The following CDKAL1 variants were observed in gnomAD, a reference collection of about 807,000 sequenced individuals.
CDKAL1 encodes threonylcarbamoyladenosine tRNA methylthiotransferase.
A neutral mutation model predicts 68.2 loss-of-function variants in CDKAL1; 32 were observed. The observed-to-expected ratio is 0.47, with a 90% CI of 0.35 to 0.63. The LOEUF (loss-of-function observed/expected upper bound fraction) is 0.63, where lower values mean the gene tolerates loss of function less well. Among genes scored for constraint, CDKAL1 ranks in the 30% least tolerant of loss-of-function variants. The probability of loss-of-function intolerance (pLI) is 0.00; values close to 1 mark genes in which losing one functional copy is unlikely to be tolerated. For synonymous variants in CDKAL1, 234 were observed against 244.3 expected (o/e 0.96, Z 0.39); for missense variants, 606 against 696.7 (o/e 0.87, Z 1.47).
chr6:20,581,825 C>T (rs73732382), intron 4 of CDKAL1, among the ~76,000 whole-genome samples: 1,600 of 152,202 alleles, frequency 0.011, 25 homozygotes, highest in African/African-American at 0.035. Context: ...TGTCACAACC[C>T]TTAACCCCAA....
intron 4 of CDKAL1, among the ~76,000 whole-genome samples, chr6:20,586,294 T>G (rs141142572): frequency 4.4e-4 from 67 of 152,308 alleles, no homozygotes; most frequent in African/African-American, 1.4e-3. Context: ...ATTATTTTAC[T>G]TTTCTGCTCA....
chr6:20,905,627 C>T (rs753813957), intron 9 of CDKAL1, among the ~76,000 whole-genome samples: 4 of 152,114 alleles, frequency 2.6e-5, no homozygotes, highest in Non-Finnish European at 5.9e-5. Flanking sequence ...CAGAGACCCA[C>T]ATCGAGACAC....
chr6:21,026,114 G>C (rs987593796), intron 11 of CDKAL1, among the ~76,000 whole-genome samples: 1 of 151,992 alleles, frequency 6.6e-6, no homozygotes, highest in Non-Finnish European at 1.5e-5. Context: ...AAGGAGTGTG[G>C]TTATTAGTTC....
chr6:20,595,108 T>C (rs1765764105), intron 4 of CDKAL1, among the ~76,000 whole-genome samples: 1 of 152,244 alleles, frequency 6.6e-6, no homozygotes, highest in Admixed American at 6.5e-5. Flanking sequence ...TTAACGTTTT[T>C]TTCTTGATTT....
At chr6:21,149,703 A>C (rs1386700170) in intron 13 of CDKAL1, among the ~76,000 whole-genome samples, 2 of 152,166 alleles carry the variant, frequency 1.3e-5, no homozygotes, top group African/African-American at 4.8e-5. Context: ...GACTGCGTTC[A>C]CTGAGAGACA....
At position 21,121,291 on chromosome 6, in the gene CDKAL1, A is replaced by T. The variant is rs1222542234; in HGVS notation, c.1299+12828A>T. ...TAAAATCCACGTTTTAGAATTTCTG[A>T]CTCTTCCACTTGCAAGCTAGATGAT... On this transcript the variant is annotated intron_variant, in intron 13 of 15. Transcript: ENST00000274695. Among the ~76,000 whole-genome samples the T allele has an allele frequency of 3.3e-5, 5 of 152,036 alleles. No homozygotes were observed. The East Asian group carries it at 9.6e-4, about 29-fold the overall frequency.
At chr6:21,128,481 C>A (rs1028993581) in intron 13 of CDKAL1, among the ~76,000 whole-genome samples, 2 of 152,134 alleles carry the variant, frequency 1.3e-5, no homozygotes, top group African/African-American at 2.4e-5. Flanking sequence ...CTTTACCTGG[C>A]CAAAGAAAAT....
At chr6:20,880,948 G>C (rs901668537) in intron 9 of CDKAL1, among the ~76,000 whole-genome samples, 2 of 152,170 alleles carry the variant, frequency 1.3e-5, no homozygotes, top group Admixed American at 6.5e-5. Context: ...CTGAAGATTA[G>C]GGAAGTCATC....
At chr6:21,004,925 G>A (rs1767640820) in intron 11 of CDKAL1, among the ~76,000 whole-genome samples, 2 of 152,182 alleles carry the variant, frequency 1.3e-5, no homozygotes, top group Non-Finnish European at 2.9e-5. Context: ...TCATGCTGCT[G>A]CACTCCAGCC....
At chr6:20,767,855 A>G (rs1774768148) in intron 7 of CDKAL1, among the ~76,000 whole-genome samples, 1 of 152,168 alleles carries the variant, frequency 6.6e-6, no homozygotes, top group Admixed American at 6.5e-5. Context: ...GGAGATGGAG[A>G]GACTAAATAC....
chr6:21,026,293 T>C (rs951062788), intron 11 of CDKAL1, among the ~76,000 whole-genome samples: 1 of 152,192 alleles, frequency 6.6e-6, no homozygotes, highest in African/African-American at 2.4e-5. Context: ...TATCTTTATA[T>C]ATTCAAAATA....
intron 5 of CDKAL1, among the ~76,000 whole-genome samples, chr6:20,734,973 A>G (rs941636026): frequency 6.8e-6 from 1 of 146,528 alleles, no homozygotes; most frequent in Admixed American, 7.2e-5. Context: ...TGGTTCAAGC[A>G]ATTCCCTGCC....
chr6:20,848,478 C>T (rs1330497770), intron 9 of CDKAL1, among the ~76,000 whole-genome samples: 1 of 152,070 alleles, frequency 6.6e-6, no homozygotes, highest in African/African-American at 2.4e-5. Context: ...CGTATTGCTT[C>T]TGTAGATCTT....
intron 5 of CDKAL1, among the ~76,000 whole-genome samples, chr6:20,668,845 G>A (rs1188247401): frequency 3.9e-5 from 6 of 152,082 alleles, no homozygotes; most frequent in East Asian, 3.8e-4. Context: ...TGACATTGAC[G>A]CTGTTGAAGA....
chr6:21,169,513 G>A (rs1287089704), intron 13 of CDKAL1, among the ~76,000 whole-genome samples: 1 of 152,102 alleles, frequency 6.6e-6, no homozygotes, highest in African/African-American at 2.4e-5. Flanking sequence ...GTGCATACCT[G>A]TAATCCCAGC....
chr6:20,982,264 G>T (rs532662231), intron 10 of CDKAL1, among the ~76,000 whole-genome samples: 2 of 152,012 alleles, frequency 1.3e-5, no homozygotes, highest in East Asian at 3.9e-4. Context: ...TCACCATGTT[G>T]CCCAGGCTGG....
In CDKAL1 at chr6:20,915,397, A is replaced by G. The variant is rs1762678017; in HGVS notation, c.743-40022A>G. On this transcript the variant is annotated intron_variant, in intron 9 of 15. Coordinates refer to ENST00000274695, the MANE Select transcript of CDKAL1 (RefSeq NM_017774.3). ...GTCTGCAGGCTTGGGCAGGCTGGAA[A>G]TTTCACCAGGAGTCATTGTTGCAGT... Among the ~76,000 whole-genome samples the G allele has an allele frequency of 3.3e-5, 5 of 152,136 alleles. No individual in the cohort carries two copies. In the South Asian group the frequency reaches 1.0e-3, roughly 32 times the overall value.
At chr6:20,805,417 A>G (rs1286632619) in intron 8 of CDKAL1, among the ~76,000 whole-genome samples, 1 of 152,202 alleles carries the variant, frequency 6.6e-6, no homozygotes, top group African/African-American at 2.4e-5. Context: ...GTGGATGTAT[A>G]TCACTGTTTT....
At chr6:21,158,344 T>A (rs537091243) in intron 13 of CDKAL1, among the ~76,000 whole-genome samples, 2 of 152,342 alleles carry the variant, frequency 1.3e-5, no homozygotes, top group South Asian at 4.1e-4. Flanking sequence ...GCTCAAACTG[T>A]TGTTTATTAC....
Sources: gnomAD v4.1 joint callset for allele counts (sites outside exome capture counted in the v4.1 genomes callset) on GRCh38, gnomAD v4.1.1 for gene constraint, MANE v1.5 for transcripts, NCBI Gene and HGNC (gene_info 2026-07-23, HGNC 2026-07-21) for gene names.